GPC5: variants seen among roughly 807,000 people sequenced by gnomAD.
GPC5 encodes glypican-5.
Under a neutral mutation model 53.9 loss-of-function variants are expected in GPC5, and 47 were observed. That is an observed-to-expected ratio of 0.87 (90% CI 0.69 to 1.11). The LOEUF is 1.11. Among genes scored for constraint, GPC5 ranks in the 50% most tolerant of loss-of-function variants. The pLI is 0.00. For missense variants in GPC5, 748 were observed against 713.1 expected, an observed-to-expected ratio of 1.05 and a Z score of -0.56; for synonymous variants, 286 against 263.3, an observed-to-expected ratio of 1.09 and a Z score of -0.84.
At chr13:91,820,629 A>AT (rs1393130786) in intron 5 of GPC5, among the ~76,000 whole-genome samples, 1 of 152,178 alleles carries the variant, frequency 6.6e-6, no homozygotes, top group African/African-American at 2.4e-5. Context: ...GTAGAAACTT[A>AT]TTATAAGTCT....
intron 7 of GPC5, among the ~76,000 whole-genome samples, chr13:92,245,783 G>A (rs566305310): frequency 7.9e-5 from 12 of 151,982 alleles, no homozygotes; most frequent in Non-Finnish European, 5.9e-5. Flanking sequence ...AAATCTAATG[G>A]ATCCCAGACT....
At chr13:92,264,874 C>T (rs946655404) in intron 7 of GPC5, among the ~76,000 whole-genome samples, 5 of 116,576 alleles carry the variant, frequency 4.3e-5, no homozygotes, top group Admixed American at 4.3e-4. Context: ...CTCTCTCTCT[C>T]TCTCTGTGTG....
At chr13:92,695,812 A>G (rs1025281430) in intron 7 of GPC5, among the ~76,000 whole-genome samples, 20 of 151,916 alleles carry the variant, frequency 1.3e-4, no homozygotes, top group Admixed American at 6.6e-4. Flanking sequence ...TCAACCCATC[A>G]TCTACATTAG....
intron 7 of GPC5, among the ~76,000 whole-genome samples, chr13:92,663,903 T>TATATAC (rs1886478093): frequency 6.0e-5 from 5 of 83,178 alleles, no homozygotes; most frequent in Admixed American, 2.7e-4. Flanking sequence ...TATATATATA[T>TATATAC]ACACACACAC....
Position 91,542,584 on chromosome 13 carries a change from T to A in GPC5, c.325+93662T>A, listed in dbSNP as rs118003607. Among the ~76,000 whole-genome samples the A allele has an allele frequency of 3.9e-4, 59 of 152,370 alleles. No homozygotes were observed. The East Asian group carries it at 0.01, about 27-fold the overall frequency. On this transcript the variant is annotated intron_variant, in intron 2 of 7. Coordinates refer to ENST00000377067, the MANE Select transcript of GPC5 (RefSeq NM_004466.6). ...GTTGACTGAGCAAGTGATGAAGGAA[T>A]ACAATTCTGAATGCAGTGTCCAGAG... is the stretch of plus-strand genomic sequence containing the variant.
intron 2 of GPC5, among the ~76,000 whole-genome samples, chr13:91,586,235 T>C (rs1349141671): frequency 1.3e-5 from 2 of 150,920 alleles, no homozygotes; most frequent in Non-Finnish European, 3.0e-5. Context: ...AAGCTTCAAG[T>C]TTCCATGATA....
chr13:92,066,355 G>A (rs1307651559), intron 6 of GPC5, among the ~76,000 whole-genome samples: 2 of 151,372 alleles, frequency 1.3e-5, no homozygotes, highest in Non-Finnish European at 2.9e-5. Context: ...GGAGAGAGTA[G>A]TGAAAATGGG....
intron 2 of GPC5, among the ~76,000 whole-genome samples, chr13:91,599,331 T>C (rs1203625947): frequency 6.6e-6 from 1 of 152,154 alleles, no homozygotes; most frequent in East Asian, 1.9e-4. Context: ...TTAACATTTG[T>C]ATGTTCAGAA....
intron 7 of GPC5, among the ~76,000 whole-genome samples, chr13:92,422,430 A>G (rs897665546): frequency 2.0e-5 from 3 of 151,702 alleles, no homozygotes; most frequent in Admixed American, 6.6e-5. Context: ...AATTTCCTAC[A>G]GTGACCTGCA....
chr13:91,593,217 C>T (rs7998987), intron 2 of GPC5, among the ~76,000 whole-genome samples: 129,148 of 152,110 alleles, frequency 0.85, 56,878 homozygotes, highest in Non-Finnish European at 0.96. Context: ...TAATCAGGCA[C>T]CTCACACAGG....
intron 7 of GPC5, among the ~76,000 whole-genome samples, chr13:92,201,857 T>C (rs1199224395): frequency 1.3e-5 from 2 of 152,146 alleles, no homozygotes; most frequent in Non-Finnish European, 1.5e-5. Context: ...ATTGATGGAG[T>C]CTTTGATGTC....
At chr13:91,953,920 T>C (rs2040049761) in intron 6 of GPC5, among the ~76,000 whole-genome samples, 1 of 152,064 alleles carries the variant, frequency 6.6e-6, no homozygotes, top group African/African-American at 2.4e-5. Flanking sequence ...ACAATATGAG[T>C]TTTGGGAGAA....
chr13:91,981,524 C>T (rs528684445), intron 6 of GPC5, among the ~76,000 whole-genome samples: 35 of 152,262 alleles, frequency 2.3e-4, no homozygotes, highest in South Asian at 4.1e-4. Flanking sequence ...CTCCTGACCT[C>T]GTGATCCGCC....
intron 6 of GPC5, among the ~76,000 whole-genome samples, chr13:92,058,950 G>A (rs147726736): frequency 6.6e-6 from 1 of 152,214 alleles, no homozygotes; most frequent in Non-Finnish European, 1.5e-5. Context: ...CAATTGTTTT[G>A]CGCTGTATCA....
intron 7 of GPC5, among the ~76,000 whole-genome samples, chr13:92,368,148 C>T (rs2043620849): frequency 6.6e-6 from 1 of 151,834 alleles, no homozygotes; most frequent in Non-Finnish European, 1.5e-5. Context: ...CCACGCCTGG[C>T]TAATTTTTGT....
chr13:92,759,077 T>C (rs1875045591), intron 7 of GPC5, among the ~76,000 whole-genome samples: 1 of 146,510 alleles, frequency 6.8e-6, no homozygotes, highest in Non-Finnish European at 1.5e-5. Flanking sequence ...TTCCGGACTT[T>C]CTACTCTATC....
chr13:91,889,924 C>T (rs943478990), intron 5 of GPC5, among the ~76,000 whole-genome samples: 1 of 152,152 alleles, frequency 6.6e-6, no homozygotes, highest in Non-Finnish European at 1.5e-5. Context: ...TGCAAGGTGT[C>T]AACCTAAATA....
intron 7 of GPC5, among the ~76,000 whole-genome samples, chr13:92,244,857 G>T (rs1374153572): frequency 2.6e-5 from 4 of 152,080 alleles, no homozygotes; most frequent in Non-Finnish European, 5.9e-5. Flanking sequence ...GGCCAACATG[G>T]TGAAATCCCA....
chr13:92,160,251 T>C (rs1261584393), intron 7 of GPC5, among the ~76,000 whole-genome samples: 1 of 152,200 alleles, frequency 6.6e-6, no homozygotes, highest in East Asian at 1.9e-4. Flanking sequence ...AAGGTCTATA[T>C]ACCAATTCCG....
Sources: gnomAD v4.1 joint callset for allele counts (sites outside exome capture counted in the v4.1 genomes callset) on GRCh38, gnomAD v4.1.1 for gene constraint, MANE v1.5 for transcripts, NCBI Gene and HGNC (gene_info 2026-07-23, HGNC 2026-07-21) for gene names.